Variants in CCDC138 observed in about 807,000 individuals in gnomAD.
CCDC138 encodes coiled-coil domain-containing protein 138.
A neutral mutation model predicts 82.3 loss-of-function variants in CCDC138; 66 were observed. That is an observed-to-expected ratio of 0.80 (90% CI 0.66 to 0.98). The LOEUF (loss-of-function observed/expected upper bound fraction) is 0.98. Among genes scored for constraint, CCDC138 ranks in the 50% least tolerant of loss-of-function variants. The pLI is 0.00. For missense variants in CCDC138, 816 were observed against 758.9 expected (o/e 1.08, Z -0.88); for synonymous variants, 297 against 265.4 (o/e 1.12, Z -1.16).
At chr2:108,857,695 G>A (rs928000543) in intron 13 of CCDC138, among the ~76,000 whole-genome samples, 14 of 152,188 alleles carry the variant, frequency 9.2e-5, no homozygotes, top group Non-Finnish European at 1.3e-4. Flanking sequence ...TCTTGGAGTT[G>A]TGTATTTCAG....
intron 12 of CCDC138, among the ~76,000 whole-genome samples, chr2:108,856,569 A>G (rs533461210): frequency 6.6e-6 from 1 of 152,332 alleles, no homozygotes; most frequent in African/African-American, 2.4e-5. Context: ...GTGTTAAAAC[A>G]TGAAAATTCT....
chr2:108,873,322 TTAAG>T (rs1695556607), intron 13 of CCDC138, 125 bp from the exon 14 acceptor site: 4 of 854,228 alleles, frequency 4.7e-6, no homozygotes, highest in Non-Finnish European at 6.5e-6. Flanking sequence ...ACTCAAAAAT[TTAAG>T]TATGAAAAGA....
intron 9 of CCDC138, among the ~76,000 whole-genome samples, chr2:108,815,478 T>TG: frequency 7.0e-6 from 1 of 143,822 alleles, no homozygotes; most frequent in African/African-American, 2.6e-5. Flanking sequence ...TTTTTTTTTT[T>TG]TTTTTTGAGA....
At chr2:108,825,978 TG>T (rs1338583464) in intron 10 of CCDC138, among the ~76,000 whole-genome samples, 2 of 152,228 alleles carry the variant, frequency 1.3e-5, no homozygotes, top group East Asian at 3.8e-4. Context: ...TCAATCATTA[TG>T]GTTTTCATTC....
chr2:108,846,080 G>A (rs1558721881), intron 11 of CCDC138, among the ~76,000 whole-genome samples: 1 of 152,048 alleles, frequency 6.6e-6, no homozygotes, highest in Non-Finnish European at 1.5e-5. Flanking sequence ...TAGCTGAAGG[G>A]ACTGAGGCTC....
At position 108,786,923 on chromosome 2, in the gene CCDC138, C is replaced by T. The variant is rs748592907; in HGVS notation, c.93+8C>T. ...GGCAGCTGCCCCGACGAGGTGAAGC[C>T]GCCGCCTGAGGTCCGCGGGTGGGCT... On this transcript the variant is annotated splice_region_variant and intron_variant, in intron 1 of 14. Coordinates refer to ENST00000295124, the MANE Select transcript of CCDC138 (RefSeq NM_144978.3). 7 of 1,514,996 alleles carry T rather than the reference C, an allele frequency of 4.6e-6. No homozygotes were observed. In the South Asian group the frequency reaches 7.4e-5, roughly 16 times the overall value. 93.8% of individuals were successfully genotyped at this position (1,514,996 alleles called of 1,614,324 possible).
chr2:108,816,608 G>T (rs988352715), intron 10 of CCDC138, among the ~76,000 whole-genome samples: 5 of 152,142 alleles, frequency 3.3e-5, no homozygotes, highest in Non-Finnish European at 7.4e-5. Context: ...CACCAGTCCA[G>T]TTCCCATGAT....
intron 11 of CCDC138, among the ~76,000 whole-genome samples, chr2:108,842,992 G>A (rs10165492): frequency 0.92 from 139,440 of 152,204 alleles, 63,938 homozygotes; most frequent in East Asian, 1. Flanking sequence ...TGCTTCAACC[G>A]TCAAACAGAA....
chr2:108,809,447 GTTGT>G (rs781777849), intron 7 of CCDC138, among the ~76,000 whole-genome samples: 3 of 104,856 alleles, frequency 2.9e-5, no homozygotes, highest in African/African-American at 7.7e-5. Context: ...AACATGAAAT[GTTGT>G]GTGTGTGTGT....
intron 12 of CCDC138, among the ~76,000 whole-genome samples, chr2:108,850,902 A>G (rs1487001951): frequency 2.0e-5 from 3 of 152,160 alleles, no homozygotes; most frequent in African/African-American, 4.8e-5. Context: ...AGCAGCAGAC[A>G]CAAGCTGCTC....
At chr2:108,824,455 C>G (rs1686229263) in intron 10 of CCDC138, among the ~76,000 whole-genome samples, 2 of 152,310 alleles carry the variant, frequency 1.3e-5, no homozygotes, top group East Asian at 3.9e-4. Flanking sequence ...TAATCAATAT[C>G]AGTGTCTTCC....
At chr2:108,808,950 G>T (rs1483506787) in intron 7 of CCDC138, among the ~76,000 whole-genome samples, 1 of 152,068 alleles carries the variant, frequency 6.6e-6, no homozygotes, top group Non-Finnish European at 1.5e-5. Context: ...ATAGTTTTGG[G>T]TCTTATATTT....
rs937043859 is a variant in CCDC138, at chr2:108,812,863, C to T, written c.977C>T (p.Ser326Phe). The T allele has an allele frequency of 1.2e-6, 2 of 1,613,220 alleles. No homozygotes were observed. The highest frequency in any genetic ancestry group is 1.7e-6 in the Non-Finnish European group (2 of 1,179,408). ...ACAATACAGAGATTGAAAGGAAGTT[C>T]CCATGCTGTTCATGAAATGAAAAGT... The part of the protein sequence containing the change: ...FMTIQRLKGS[S>F]HAVHEMKSLK... Residue 326 changes from serine to phenylalanine, a missense_variant, in exon 9 of 15, where the codon TCC (serine) becomes TTC (phenylalanine). Physicochemically the swap from Ser to Phe is radical, Grantham distance 155 (BLOSUM62 -2). Transcript: ENST00000295124.
rs1024255087 is a variant in CCDC138, at chr2:108,854,095, T to C, written c.1517-2699T>C. On this transcript the variant is annotated intron_variant, in intron 12 of 14. Coordinates refer to ENST00000295124, the MANE Select transcript of CCDC138 (RefSeq NM_144978.3). ...TATATAATATAATAAATTTATATTA[T>C]ATATATAATAAATATATATAATATA... 7.0e-4 allele frequency among the ~76,000 whole-genome samples: 93 copies of C among 133,176 alleles called. 1 individual carries two copies. Among genetic ancestry groups the C allele is most frequent in the African/African-American group, 2.5e-3 (87 of 34,974 alleles). The allele number at this position is 133,176 out of a possible 152,430, so 87.4% of individuals were successfully genotyped here. A position where few individuals can be genotyped will look rare whatever the true frequency, so the allele number is the denominator to read the frequency against.
downstream of CCDC138, among the ~76,000 whole-genome samples, chr2:108,878,111 A>C (rs1696157169): frequency 6.6e-6 from 1 of 152,246 alleles, no homozygotes; most frequent in South Asian, 2.1e-4. Context: ...TAAGAGATGA[A>C]AGAAAACAGT....
intron 13 of CCDC138, among the ~76,000 whole-genome samples, chr2:108,861,272 A>G (rs1693557277): frequency 6.6e-6 from 1 of 151,788 alleles, no homozygotes; most frequent in Non-Finnish European, 1.5e-5. Flanking sequence ...ATCCTTTCAA[A>G]AAAACACTTT....
chr2:108,843,591 A>G (rs1689885276), intron 11 of CCDC138, among the ~76,000 whole-genome samples: 1 of 152,170 alleles, frequency 6.6e-6, no homozygotes, highest in African/African-American at 2.4e-5. Flanking sequence ...TACTTGAAAA[A>G]TGTGCCAATT....
At chr2:108,868,222 A>T (rs1198474350) in intron 13 of CCDC138, among the ~76,000 whole-genome samples, 1 of 152,150 alleles carries the variant, frequency 6.6e-6, no homozygotes, top group Non-Finnish European at 1.5e-5. Flanking sequence ...TTCTTAAGTT[A>T]CTCGCGATAG....
At chr2:108,842,072 C>T (rs191969042) in intron 11 of CCDC138, among the ~76,000 whole-genome samples, 171 of 152,254 alleles carry the variant, frequency 1.1e-3, no homozygotes, top group Admixed American at 6.3e-3. Flanking sequence ...CTCTGTTGCT[C>T]AGGCAGGAGT....
Sources: gnomAD v4.1 joint callset for allele counts (sites outside exome capture counted in the v4.1 genomes callset) on GRCh38, gnomAD v4.1.1 for gene constraint, MANE v1.5 for transcripts, NCBI Gene and HGNC (gene_info 2026-07-23, HGNC 2026-07-21) for gene names.